Variants in MSRA observed in about 807,000 individuals in gnomAD.
The protein encoded by MSRA is mitochondrial peptide methionine sulfoxide reductase.
MSRA carries 54 observed loss-of-function variants against 31.3 expected under a neutral mutation model. The ratio of observed to expected loss-of-function variants is 1.73; its 90% CI spans 1.39 to 2.17. The LOEUF is 2.17. MSRA is among the 30% of genes most tolerant of loss of function. The pLI is 0.00. For synonymous variants in MSRA, 169 were observed against 116.5 expected, an observed-to-expected ratio of 1.45 and a Z score of -2.90; for missense variants, 507 against 300.9, an observed-to-expected ratio of 1.69 and a Z score of -5.07.
intron 1 of MSRA, among the ~76,000 whole-genome samples, chr8:10,078,696 A>G (rs13250499): frequency 0.53 from 80,679 of 152,196 alleles, 23,356 homozygotes; most frequent in Middle Eastern, 0.67. Flanking sequence ...GCTGGTCCCA[A>G]GCTCCTTAGC....
intron 2 of MSRA, among the ~76,000 whole-genome samples, chr8:10,211,537 C>T (rs1346960093): frequency 3.3e-5 from 5 of 152,148 alleles, no homozygotes; most frequent in Non-Finnish European, 5.9e-5. Context: ...AGTGGAGCCA[C>T]ACATTTTGCA....
chr8:10,194,882 A>G (rs1056293381), intron 1 of MSRA, among the ~76,000 whole-genome samples: 3 of 152,216 alleles, frequency 2.0e-5, no homozygotes, highest in Non-Finnish European at 2.9e-5. Flanking sequence ...GGGAGCAAAG[A>G]CTGGAGATGT....
At chr8:10,096,318 T>A (rs1319323727) in intron 1 of MSRA, 1 of 1,085,334 alleles carries the variant, frequency 9.2e-7, no homozygotes, top group African/African-American at 1.6e-5. Flanking sequence ...AAACAAGAAA[T>A]GTGAGCTTGG....
intron 3 of MSRA, among the ~76,000 whole-genome samples, chr8:10,300,606 C>A (rs944138137): frequency 6.6e-6 from 1 of 152,056 alleles, no homozygotes; most frequent in African/African-American, 2.4e-5. Context: ...CCAGGCTACT[C>A]GAACTCCTGA....
rs1554468813 is a variant in MSRA at position 10,155,002 on chromosome 8, T to TATATATATATATA, written c.143-52831_143-52830insATATATATATATA. Among the ~76,000 whole-genome samples, 188 of 123,986 alleles carry TATATATATATATA rather than the reference T, an allele frequency of 1.5e-3. 29 individuals are homozygous for TATATATATATATA. In the East Asian group the frequency reaches 0.034, roughly 22 times the overall value. 81.3% of individuals were successfully genotyped at this position (123,986 alleles called of 152,430 possible). ...AATAGTTTGATAATGTGTATATATT[T>TATATATATATATA]TATATATATATAGGTTTTACCTTGC... On this transcript the variant is annotated intron_variant, in intron 1 of 5. Coordinates refer to ENST00000317173, the MANE Select transcript of MSRA (RefSeq NM_012331.5).
chr8:10,380,893 G>A (rs1433312032), intron 5 of MSRA, among the ~76,000 whole-genome samples: 1 of 151,670 alleles, frequency 6.6e-6, no homozygotes, highest in African/African-American at 2.4e-5. Context: ...GTAGATGGAT[G>A]GATGGAAGGC....
chr8:10,111,534 A>T (rs1800281523), intron 1 of MSRA, among the ~76,000 whole-genome samples: 1 of 152,098 alleles, frequency 6.6e-6, no homozygotes, highest in Non-Finnish European at 1.5e-5. Context: ...ATAGGGAGGG[A>T]CCATCAGACA....
chr8:10,184,198 T>G (rs1165745850), intron 1 of MSRA, among the ~76,000 whole-genome samples: 5 of 151,298 alleles, frequency 3.3e-5, no homozygotes, highest in South Asian at 2.1e-4. Context: ...GGAGGTGGTG[T>G]TGTTGCCATT....
At chr8:10,153,736 G>C (rs139412534) in intron 1 of MSRA, among the ~76,000 whole-genome samples, 1 of 152,100 alleles carries the variant, frequency 6.6e-6, no homozygotes, top group Non-Finnish European at 1.5e-5. Context: ...CAAAGTGTTC[G>C]CTATCACGTT....
At position 10,295,440 on chromosome 8, in the gene MSRA, G is replaced by T. The variant is rs964930773; in HGVS notation, c.332-6094G>T. Among the ~76,000 whole-genome samples the T allele has an allele frequency of 9.9e-5, 15 of 152,142 alleles. No individual in the cohort carries two copies. In the South Asian group the frequency reaches 1.2e-3, roughly 13 times the overall value. On this transcript the variant is annotated intron_variant, in intron 3 of 5. Coordinates refer to ENST00000317173, the MANE Select transcript of MSRA (RefSeq NM_012331.5). ...GGACCTGGGGATCTACACAGACCACGTGGGCCTAGACTGCTGGCCCAGTGA... is the reference window on the plus strand; with the variant it reads ...GGACCTGGGGATCTACACAGACCACTTGGGCCTAGACTGCTGGCCCAGTGA...
chr8:10,193,791 C>G (rs192137776), intron 1 of MSRA, among the ~76,000 whole-genome samples: 1 of 152,150 alleles, frequency 6.6e-6, no homozygotes, highest in African/African-American at 2.4e-5. Context: ...GGGACCAAGT[C>G]TGCTATCTCA....
intron 3 of MSRA, among the ~76,000 whole-genome samples, chr8:10,248,866 A>G (rs1403436517): frequency 6.6e-6 from 1 of 152,196 alleles, no homozygotes; most frequent in Admixed American, 6.5e-5. Flanking sequence ...AATTTAGAAT[A>G]AAGTCGCCCA....
In MSRA at chr8:10,254,510, A is replaced by T. The variant is rs185553542; in HGVS notation, c.331+9287A>T. Among the ~76,000 whole-genome samples the T allele has an allele frequency of 5.3e-5, 8 of 152,326 alleles. No homozygotes were observed. In the East Asian group the frequency reaches 1.4e-3, roughly 26 times the overall value. ...CATAATGTTCTCAATGGGTATTACA[A>T]TAGTAGTTTCTTGCCATGACCACTT... On this transcript the variant is annotated intron_variant, in intron 3 of 5. Coordinates refer to ENST00000317173, the MANE Select transcript of MSRA (RefSeq NM_012331.5).
At chr8:10,155,386 C>T (rs777752619) in intron 1 of MSRA, among the ~76,000 whole-genome samples, 7 of 152,170 alleles carry the variant, frequency 4.6e-5, no homozygotes, top group African/African-American at 9.7e-5. Flanking sequence ...AATACACCCA[C>T]GCTCTCTCTC....
chr8:10,208,024 T>C (rs1195400050), intron 2 of MSRA, 123 bp downstream of exon 2: 2 of 676,230 alleles, frequency 3.0e-6, no homozygotes, highest in East Asian at 5.6e-5. Flanking sequence ...TACAAGTTGT[T>C]ACAGCCAAGA....
chr8:10,105,596 C>G (rs1401006286), intron 1 of MSRA, among the ~76,000 whole-genome samples: 2 of 152,132 alleles, frequency 1.3e-5, no homozygotes, highest in African/African-American at 4.8e-5. Context: ...AATAGGAGTT[C>G]TAGGGCCCTT....
chr8:10,126,979 G>A (rs764380423), intron 1 of MSRA, among the ~76,000 whole-genome samples: 1 of 152,230 alleles, frequency 6.6e-6, no homozygotes, highest in African/African-American at 2.4e-5. Flanking sequence ...GTGCGGCCTG[G>A]TTCCCAACAG....
At chr8:10,401,088 G>C (rs745524668) in intron 5 of MSRA, among the ~76,000 whole-genome samples, 2 of 108,014 alleles carry the variant, frequency 1.9e-5, no homozygotes, top group Non-Finnish European at 3.9e-5. Flanking sequence ...CACATCAGTG[G>C]ACACTATCAA....
intron 2 of MSRA, among the ~76,000 whole-genome samples, chr8:10,233,590 G>A (rs977878660): frequency 1.3e-5 from 2 of 152,214 alleles, no homozygotes; most frequent in South Asian, 2.1e-4. Context: ...CCCAGTTGAT[G>A]AGGAACTTAG....
Sources: gnomAD v4.1 joint callset for allele counts (sites outside exome capture counted in the v4.1 genomes callset) on GRCh38, gnomAD v4.1.1 for gene constraint, MANE v1.5 for transcripts, NCBI Gene and HGNC (gene_info 2026-07-23, HGNC 2026-07-21) for gene names.